MMP16: variants seen among roughly 807,000 people sequenced by gnomAD.
MMP16 encodes matrix metalloproteinase-16.
A neutral mutation model predicts 67.8 loss-of-function variants in MMP16; 12 were observed. The observed-to-expected ratio is 0.18, with a 90% CI of 0.11 to 0.29. The LOEUF is 0.29. MMP16 is among the 10% of genes least tolerant of loss of function. The pLI, the probability that MMP16 is intolerant of heterozygous loss-of-function variation, is 1.00. For missense variants in MMP16, 475 were observed against 765.7 expected (o/e 0.62, Z 4.48); for synonymous variants, 249 against 255.9 (o/e 0.97, Z 0.26).
At chr8:88,088,546 TG>T (rs1297567449) in intron 6 of MMP16, among the ~76,000 whole-genome samples, 1 of 152,044 alleles carries the variant, frequency 6.6e-6, no homozygotes, top group Non-Finnish European at 1.5e-5. Context: ...AAAACACCCC[TG>T]AAAGATTCCT....
intron 1 of MMP16, among the ~76,000 whole-genome samples, chr8:88,283,000 T>C (rs1006224235): frequency 3.3e-5 from 5 of 152,104 alleles, no homozygotes; most frequent in Non-Finnish European, 7.4e-5. Flanking sequence ...CAACGTGATG[T>C]GGTATTGATA....
At chr8:88,272,174 T>C (rs543503432) in intron 1 of MMP16, among the ~76,000 whole-genome samples, 2 of 152,336 alleles carry the variant, frequency 1.3e-5, no homozygotes, top group Admixed American at 6.5e-5. Flanking sequence ...TTATTAGCAG[T>C]ATTATTTATC....
chr8:88,252,947 T>C (rs1049580673), intron 1 of MMP16, among the ~76,000 whole-genome samples: 3 of 152,082 alleles, frequency 2.0e-5, no homozygotes, highest in African/African-American at 4.8e-5. Flanking sequence ...ATTTGATCAA[T>C]AAATGTGCAA....
intron 1 of MMP16, among the ~76,000 whole-genome samples, chr8:88,307,285 G>C (rs1034276870): frequency 6.6e-5 from 10 of 152,022 alleles, no homozygotes; most frequent in African/African-American, 7.2e-5. Flanking sequence ...TTGGCTTTTT[G>C]TATCATGAAA....
intron 6 of MMP16, among the ~76,000 whole-genome samples, chr8:88,108,630 G>A (rs187256464): frequency 6.6e-6 from 1 of 151,254 alleles, no homozygotes; most frequent in African/African-American, 2.4e-5. Context: ...TTGAAAGTTT[G>A]GCATAAGACT....
chr8:88,106,378 C>T lies in MMP16; in HGVS notation c.1083+10129G>A, dbSNP rs188115601. Among the ~76,000 whole-genome samples, 20 of 151,406 alleles carry T rather than the reference C, an allele frequency of 1.3e-4. 1 individual carries two copies. Among genetic ancestry groups the T allele is most frequent in the African/African-American group, 4.8e-4 (20 of 41,466 alleles). ...CTTTAAAAATAGCAACATTGTATTA[C>T]ATTGGCTAGGCTATGTCTAAGGCTA... On this transcript the variant is annotated intron_variant, in intron 6 of 9. Transcript: ENST00000286614.
intron 8 of MMP16, 78 bp downstream of exon 8, chr8:88,056,049 TG>T: frequency 8.8e-7 from 1 of 1,139,106 alleles, no homozygotes. Flanking sequence ...CAACAGCTGA[TG>T]CCTCTGATAG....
At chr8:88,299,285 A>G (rs1487412495) in intron 1 of MMP16, among the ~76,000 whole-genome samples, 1 of 152,174 alleles carries the variant, frequency 6.6e-6, no homozygotes, top group Non-Finnish European at 1.5e-5. Context: ...TTGTTTATTC[A>G]TGGAAATCAA....
At chr8:88,246,125 G>A (rs1197003073) in intron 1 of MMP16, among the ~76,000 whole-genome samples, 1 of 152,122 alleles carries the variant, frequency 6.6e-6, no homozygotes, top group African/African-American at 2.4e-5. Context: ...ATCTCCGTAT[G>A]TGACAGCTAA....
At chr8:88,216,609 C>A (rs1809598708) in intron 1 of MMP16, among the ~76,000 whole-genome samples, 1 of 152,122 alleles carries the variant, frequency 6.6e-6, no homozygotes, top group Admixed American at 6.6e-5. Context: ...CCTTGACTTT[C>A]ATAATCTTGA....
intron 2 of MMP16, among the ~76,000 whole-genome samples, chr8:88,196,285 C>A (rs967656407): frequency 6.6e-6 from 1 of 152,100 alleles, no homozygotes; most frequent in Non-Finnish European, 1.5e-5. Context: ...TCTAAAAACA[C>A]AAATAATTTT....
Position 88,194,546 on chromosome 8 carries a change from C to T in MMP16, c.281+2612G>A, listed in dbSNP as rs1586198991. Among the ~76,000 whole-genome samples the T allele has an allele frequency of 2.6e-5, 4 of 151,880 alleles. 1 individual carries two copies. In the South Asian group the frequency reaches 8.3e-4, roughly 32 times the overall value. On this transcript the variant is annotated intron_variant, in intron 2 of 9. Transcript: ENST00000286614. ...AATAGTACACTATTTCAGCTGAGTA[C>T]CTTGATCAATAACACCTTAAGAGTA...
chr8:88,294,470 A>G (rs1046161608), intron 1 of MMP16, among the ~76,000 whole-genome samples: 2 of 149,848 alleles, frequency 1.3e-5, no homozygotes, highest in African/African-American at 4.9e-5. Flanking sequence ...GTCTCTGTAC[A>G]CACATATGTA....
At chr8:88,180,151 C>T (rs1157338495) in intron 3 of MMP16, among the ~76,000 whole-genome samples, 1 of 151,882 alleles carries the variant, frequency 6.6e-6, no homozygotes, top group Admixed American at 6.6e-5. Flanking sequence ...CATGGTGGCA[C>T]ACGCCTGTAA....
intron 1 of MMP16, among the ~76,000 whole-genome samples, chr8:88,308,370 A>T (rs1811243014): frequency 6.6e-6 from 1 of 152,086 alleles, no homozygotes; most frequent in Non-Finnish European, 1.5e-5. Context: ...TTATCAAGGG[A>T]ACATGTTCTA....
At chr8:88,256,302 GAATC>G (rs989195626) in intron 1 of MMP16, among the ~76,000 whole-genome samples, 2 of 152,042 alleles carry the variant, frequency 1.3e-5, no homozygotes, top group African/African-American at 4.8e-5. Flanking sequence ...TGTCTAATAA[GAATC>G]AATCTTTTCA....
Position 88,033,589 on chromosome 8 carries a change from C to T in MMP16, c.*7872G>A, listed in dbSNP as rs954514194. The T allele has an allele frequency of 4.6e-5, 7 of 151,706 alleles. No homozygotes were observed. The highest frequency in any genetic ancestry group is 3.9e-4 in the East Asian group (2 of 5,172). 9.4% of individuals were successfully genotyped at this position (151,706 alleles called of 1,614,324 possible). ...TTAAGTTTATTAAAAGTTATATTAG[C>T]GCAAAATTGAACTAGTAAACTCCAT... On this transcript the variant is annotated 3_prime_UTR_variant, in exon 10 of 10. Coordinates refer to ENST00000286614, the MANE Select transcript of MMP16 (RefSeq NM_005941.5).
chr8:88,234,172 A>C (rs1253490875), intron 1 of MMP16, among the ~76,000 whole-genome samples: 1 of 152,198 alleles, frequency 6.6e-6, no homozygotes, highest in Non-Finnish European at 1.5e-5. Context: ...AAAAACATAA[A>C]GTGGAGTTGC....
intron 6 of MMP16, among the ~76,000 whole-genome samples, chr8:88,108,429 T>C (rs908101309): frequency 4.0e-5 from 6 of 151,390 alleles, no homozygotes; most frequent in African/African-American, 1.4e-4. Context: ...GAGGGTAACA[T>C]AGCCCAGCCA....
Sources: gnomAD v4.1 joint callset for allele counts (sites outside exome capture counted in the v4.1 genomes callset) on GRCh38, gnomAD v4.1.1 for gene constraint, MANE v1.5 for transcripts, NCBI Gene and HGNC (gene_info 2026-07-23, HGNC 2026-07-21) for gene names.